The following PTCH1 variants were observed in gnomAD, a reference collection of about 807,000 sequenced individuals.
PTCH1 encodes patched 1, also known as protein patched homolog 1.
In PTCH1, 14 loss-of-function variants were observed where a neutral mutation model predicts 144.6. That is an observed-to-expected ratio of 0.10 (90% CI 0.06 to 0.15). The LOEUF is 0.15. Ranked by LOEUF, PTCH1 falls within the 10% of genes least tolerant of loss-of-function variation. The pLI is 1.00. For synonymous variants in PTCH1, 833 were observed against 793.6 expected, an observed-to-expected ratio of 1.05 and a Z score of -0.83; for missense variants, 1,623 against 1,948.3, an observed-to-expected ratio of 0.83 and a Z score of 3.14.
intron 19 of PTCH1, among the ~76,000 whole-genome samples, chr9:95,455,544 G>C (rs938280354): frequency 8.5e-5 from 13 of 152,196 alleles, no homozygotes; most frequent in Non-Finnish European, 1.5e-4. Context: ...ATAATTCTTT[G>C]ATAAATGTAT....
At chr9:95,500,009 G>A (rs1197404074) in intron 2 of PTCH1, among the ~76,000 whole-genome samples, 3 of 152,082 alleles carry the variant, frequency 2.0e-5, no homozygotes. Flanking sequence ...TCACAGGCAG[G>A]TCAGCTTTGA....
rs756714410 is a variant in PTCH1, at chr9:95,458,976, G to C, written c.2887+624C>G. Among the ~76,000 whole-genome samples, 1 of 152,202 alleles carries C rather than the reference G, an allele frequency of 6.6e-6. No homozygotes were observed. Among genetic ancestry groups the C allele is most frequent in the African/African-American group, 2.4e-5 (1 of 41,452 alleles). ...ACTCGCTGAGTCTCCAGCCATGTTT[G>C]CAAGGGGACCCGTCTTCTTTCTCAC... On this transcript the variant is annotated intron_variant, in intron 17 of 23. Transcript: ENST00000331920. This position sits in a 1 kb window ranked among gnomAD's most constrained non-coding sequence, Gnocchi z 4.7.
At chr9:95,459,034 C>T (rs1839219569) in intron 17 of PTCH1, among the ~76,000 whole-genome samples, 1 of 152,170 alleles carries the variant, frequency 6.6e-6, no homozygotes, top group African/African-American at 2.4e-5. Flanking sequence ...AAAGCATACG[C>T]TACTAATATC....
Position 95,508,195 on chromosome 9 carries a change from C to G in PTCH1, c.167G>C (p.Cys56Ser). The G allele has an allele frequency of 6.2e-7, 1 of 1,612,636 alleles. No individual in the cohort carries two copies. The highest frequency in any genetic ancestry group is 8.5e-7 in the Non-Finnish European group (1 of 1,179,770). ...DRDYLHRPSY[C>S]DAAFALEQIS... ...CTGCTCCAGAGCGAAGGCGGCGTCG[C>G]AGTAGCTGGGCCGGTGCAGATAGTC... Residue 56 changes from cysteine to serine, a missense_variant, in exon 1 of 24, where the codon TGC becomes TCC. By Grantham distance (112) the Cys-to-Ser change is moderately radical (BLOSUM62 -1). Transcript: ENST00000331920.
intron 2 of PTCH1, among the ~76,000 whole-genome samples, chr9:95,488,221 A>T (rs768235637): frequency 2.0e-5 from 3 of 152,200 alleles, no homozygotes; most frequent in African/African-American, 7.2e-5. Flanking sequence ...TTTAAGATGT[A>T]TATTTACATA....
At chr9:95,477,400 C>T (rs1841134355) in intron 10 of PTCH1, 147 bp downstream of exon 10, 1 of 1,126,842 alleles carries the variant, frequency 8.9e-7, no homozygotes. Flanking sequence ...AGACAGCATT[C>T]CCCTGAAACC....
At chr9:95,477,755 T>C (rs956160454) in intron 9 of PTCH1, 53 bp from the exon 10 acceptor site, 1 of 1,601,602 alleles carries the variant, frequency 6.2e-7, no homozygotes, top group South Asian at 1.1e-5. Context: ...TAGAATGTGT[T>C]GTGATTCTAA....
At chr9:95,471,376 C>T (rs774892543) in intron 12 of PTCH1, among the ~76,000 whole-genome samples, 6 of 152,178 alleles carry the variant, frequency 3.9e-5, no homozygotes, top group African/African-American at 1.4e-4. Context: ...TCTTCTTGGT[C>T]TATCTTGAAA....
At chr9:95,506,041 C>A (rs891723191) in intron 2 of PTCH1, among the ~76,000 whole-genome samples, 1 of 147,858 alleles carries the variant, frequency 6.8e-6, no homozygotes. Context: ...GGAGCGGGGC[C>A]GGGAGAGGCC....
At chr9:95,489,663 C>G (rs1019561087) in intron 2 of PTCH1, among the ~76,000 whole-genome samples, 1 of 151,262 alleles carries the variant, frequency 6.6e-6, no homozygotes, top group Non-Finnish European at 1.5e-5. Flanking sequence ...GATCAAAGTC[C>G]TAACATATTT....
chr9:95,479,772 G>T, intron 7 of PTCH1, 197 bp downstream of exon 7: 1 of 815,668 alleles, frequency 1.2e-6, no homozygotes, highest in Non-Finnish European at 1.9e-6. Context: ...ATCCATTCTT[G>T]AAAAATTCCC....
intron 19 of PTCH1, among the ~76,000 whole-genome samples, chr9:95,455,363 A>C (rs1021085152): frequency 5.3e-5 from 8 of 152,234 alleles, no homozygotes; most frequent in African/African-American, 9.6e-5. Flanking sequence ...TTGCAAAAGC[A>C]ATGGCGGAAG....
intron 1 of PTCH1, 154 bp from the exon 2 acceptor site, chr9:95,506,753 C>T: frequency 2.9e-6 from 3 of 1,050,910 alleles, no homozygotes; most frequent in Non-Finnish European, 3.7e-6. Context: ...GCAGCCCCGG[C>T]GGATCTGAGC....
At chr9:95,494,124 G>C in intron 2 of PTCH1, 1 of 838,194 alleles carries the variant, frequency 1.2e-6, no homozygotes, top group Non-Finnish European at 1.4e-6. Flanking sequence ...CGCAGGTAGT[G>C]CGCAGGCGCT....
Position 95,477,616 on chromosome 9 carries a change from T to A in PTCH1, c.1434A>T (p.Ala478=). The A allele has an allele frequency of 6.2e-7, 1 of 1,614,170 alleles. No homozygotes were observed. Residue 478 remains alanine (A), a synonymous_variant, in exon 10 of 24, where the codon GCA becomes GCT. Transcript: ENST00000331920. ...GGCCCAGTCCTGCAGCCACTGACAG[T>A]GCAACCAGCAGGACGCCAGCCAGCC... ...AVGLAGVLLV[A]LSVAAGLGLC... is the part of the protein sequence containing the mutation.
At chr9:95,506,383 G>C (rs561263076) in intron 2 of PTCH1, 24 bp downstream of exon 2, 2 of 1,607,114 alleles carry the variant, frequency 1.2e-6, no homozygotes, top group South Asian at 1.1e-5. Context: ...CCGGGGGCGC[G>C]GGCGCCGCGG....
chr9:95,468,719 G>C (rs2118017975), intron 14 of PTCH1, 32 bp downstream of exon 14: 1 of 1,609,054 alleles, frequency 6.2e-7, no homozygotes, highest in Non-Finnish European at 8.5e-7. Context: ...TTTTTTTGAA[G>C]ACAGGAAGAG....
rs2118462327 is a variant in PTCH1, at chr9:95,481,983, C to T, written c.712G>A (p.Gly238Arg). ...GCTGTCCCAGACTGTAATTTCGCCC[C>T]TTCCCAGAAGCAGTCCAAAGGTGTA... ...IITPLDCFWE[G>R]AKLQSGTAYL... Residue 238 changes from glycine (G) to arginine (R), a missense_variant, in exon 5 of 24, where the codon GGG becomes AGG. By Grantham distance (125) the Gly-to-Arg change is moderately radical (BLOSUM62 -2). Transcript: ENST00000331920. 1 of 1,613,878 alleles carries T rather than the reference C, an allele frequency of 6.2e-7. No homozygotes were observed. Among genetic ancestry groups the T allele is most frequent in the Non-Finnish European group, 8.5e-7 (1 of 1,179,778 alleles).
chr9:95,516,435 T>C, intron 1 of PTCH1: 1 of 1,383,542 alleles, frequency 7.2e-7, no homozygotes, highest in South Asian at 1.7e-5. Flanking sequence ...CGAGGCGAGG[T>C]GGCGTCGGCG....
Sources: allele counts gnomAD v4.1 joint callset (sites outside exome capture counted in the v4.1 genomes callset), GRCh38; gene constraint gnomAD v4.1.1; non-coding constraint Gnocchi (gnomAD v3.1); transcripts MANE v1.5; gene names NCBI Gene and HGNC (gene_info 2026-07-23, HGNC 2026-07-21).